DST: variants seen among roughly 807,000 people sequenced by gnomAD.
DST encodes the protein dystonin.
Under a neutral mutation model 875.2 loss-of-function variants are expected in DST, and 253 were observed. The ratio of observed to expected loss-of-function variants is 0.29; its 90% CI spans 0.26 to 0.32. The LOEUF (loss-of-function observed/expected upper bound fraction) is 0.32, where lower values mean the gene tolerates loss of function less well. Among genes scored for constraint, DST ranks in the 10% least tolerant of loss-of-function variants. The probability of loss-of-function intolerance (pLI) is 1.00; values close to 1 mark genes in which losing one functional copy is unlikely to be tolerated. For synonymous variants in DST, 3,124 were observed against 3,197.1 expected (o/e 0.98, Z 0.77); for missense variants, 8,287 against 9,111.6 (o/e 0.91, Z 3.68).
At chr6:56,520,380 T>C (rs2096673014) in intron 69 of DST, among the ~76,000 whole-genome samples, 1 of 152,154 alleles carries the variant, frequency 6.6e-6, no homozygotes, top group African/African-American at 2.4e-5. Flanking sequence ...AATAGCTTTG[T>C]GGTTGACAAA....
chr6:56,860,819 G>A (rs1770746655), intron 3 of DST, among the ~76,000 whole-genome samples: 1 of 152,134 alleles, frequency 6.6e-6, no homozygotes, highest in Non-Finnish European at 1.5e-5. Flanking sequence ...CAGCTCTCAG[G>A]ATACAAAGTC....
intron 3 of DST, among the ~76,000 whole-genome samples, chr6:56,866,540 C>T (rs577950740): frequency 6.6e-6 from 1 of 152,296 alleles, no homozygotes; most frequent in Non-Finnish European, 1.5e-5. Context: ...ACAAGGCCTC[C>T]TGATGTGCTG....
intron 58 of DST, among the ~76,000 whole-genome samples, 180 bp from the exon 59 acceptor site, chr6:56,557,698 T>G (rs989487438): frequency 6.6e-6 from 1 of 152,158 alleles, no homozygotes; most frequent in Non-Finnish European, 1.5e-5. Flanking sequence ...GATGGTTGTA[T>G]GTCAACTAAA....
At chr6:56,906,110 G>C (rs1311724982) in intron 2 of DST, among the ~76,000 whole-genome samples, 3 of 152,160 alleles carry the variant, frequency 2.0e-5, no homozygotes, top group African/African-American at 7.2e-5. Flanking sequence ...TGTGATTGTT[G>C]GATCATATGG....
chr6:56,547,298 G>A (rs1361890034), intron 61 of DST, among the ~76,000 whole-genome samples: 1 of 152,158 alleles, frequency 6.6e-6, no homozygotes, highest in African/African-American at 2.4e-5. Context: ...CTTCAGTAGG[G>A]CTTCTCTCTT....
chr6:56,821,916 C>T (rs1265118183), intron 4 of DST, among the ~76,000 whole-genome samples: 1 of 152,164 alleles, frequency 6.6e-6, no homozygotes, highest in Non-Finnish European at 1.5e-5. Context: ...CAGTCCAGAG[C>T]TTCCATCCAA....
intron 62 of DST, among the ~76,000 whole-genome samples, chr6:56,535,526 C>T (rs2096979105): frequency 6.6e-6 from 1 of 152,156 alleles, no homozygotes; most frequent in Non-Finnish European, 1.5e-5. Context: ...ATAGAGCACT[C>T]AATCTTGGAG....
intron 5 of DST, among the ~76,000 whole-genome samples, chr6:56,718,144 T>G (rs1437056883): frequency 6.6e-6 from 1 of 152,098 alleles, no homozygotes; most frequent in African/African-American, 2.4e-5. Context: ...CTTGGGAGGC[T>G]ATGGTGGAAG....
At position 56,607,338 on chromosome 6, in the gene DST, G is replaced by A; in HGVS notation, c.7290C>T (p.Asp2430=). 1 of 1,613,274 alleles carries A rather than the reference G, an allele frequency of 6.2e-7. No homozygotes were observed. Among genetic ancestry groups the A allele is most frequent in the Non-Finnish European group, 8.5e-7 (1 of 1,179,646 alleles). The change falls in exon 40 of 104, where the codon GAC becomes GAT. Residue 2430 remains aspartate, a synonymous_variant. Transcript: ENST00000680361. ...DNTNRDSPIF[D]YSPRLSALLS... ...ACAAGGCACTTAGCCTGGGGGAATA[G>A]TCAAAGATAGGTGAATCCCTGTTTG...
intron 7 of DST, 45 bp downstream of exon 7, chr6:56,703,603 G>A (rs1010578127): frequency 2.6e-5 from 20 of 776,778 alleles, no homozygotes; most frequent in African/African-American, 1.7e-4. Flanking sequence ...AGCGCTCACC[G>A]CATGGGAACG....
At chr6:56,536,506 C>G (rs1051694748) in intron 62 of DST, among the ~76,000 whole-genome samples, 1 of 152,096 alleles carries the variant, frequency 6.6e-6, no homozygotes, top group Non-Finnish European at 1.5e-5. Flanking sequence ...TGCATGTGCC[C>G]ATCATACCTG....
intron 10 of DST, among the ~76,000 whole-genome samples, chr6:56,670,314 G>T (rs1322040384): frequency 6.6e-6 from 1 of 151,846 alleles, no homozygotes; most frequent in African/African-American, 2.4e-5. Flanking sequence ...CCGCAGCCTT[G>T]GCCTCCGGAG....
At chr6:56,549,677 G>A (rs556959519) in intron 61 of DST, among the ~76,000 whole-genome samples, 1 of 152,148 alleles carries the variant, frequency 6.6e-6, no homozygotes, top group African/African-American at 2.4e-5. Flanking sequence ...TTCTAAGACT[G>A]TTTTACATGT....
chr6:56,504,163 GTAC>G, intron 77 of DST, 65 bp from the exon 78 acceptor site: 3 of 968,538 alleles, frequency 3.1e-6, no homozygotes, highest in Non-Finnish European at 3.1e-6. Context: ...AGTATTTCAA[GTAC>G]TACAGAAAAA....
At position 56,466,210 on chromosome 6, in the gene DST, A is replaced by G; in HGVS notation, c.22570-15T>C. 1 of 1,552,878 alleles carries G rather than the reference A, an allele frequency of 6.4e-7. No homozygotes were observed. The highest frequency in any genetic ancestry group is 1.2e-5 in the South Asian group (1 of 81,948). On this transcript the variant is annotated splice_polypyrimidine_tract_variant and intron_variant, in intron 98 of 103. Transcript: ENST00000680361. ...GAGTCTCCAAACTGTTCAGTGAAGAAAGAAAGAACCTCTAGTTGTCAATAA... is the reference window on the plus strand; with the variant it reads ...GAGTCTCCAAACTGTTCAGTGAAGAGAGAAAGAACCTCTAGTTGTCAATAA...
At chr6:56,615,898 T>A in intron 36 of DST, 1 of 1,614,200 alleles carries the variant, frequency 6.2e-7, no homozygotes, top group Non-Finnish European at 8.5e-7. Context: ...TCCCTGTGAT[T>A]ACTAATTCAC....
At chr6:56,480,129 T>C (rs962014347) in intron 90 of DST, among the ~76,000 whole-genome samples, 19 of 152,336 alleles carry the variant, frequency 1.2e-4, no homozygotes, top group African/African-American at 4.6e-4. Context: ...ACTGAATAAA[T>C]GCTTTTTAGA....
chr6:56,758,413 G>T (rs1187461740), intron 4 of DST, among the ~76,000 whole-genome samples: 1 of 150,032 alleles, frequency 6.7e-6, no homozygotes, highest in Non-Finnish European at 1.5e-5. Flanking sequence ...AAAGCAATGT[G>T]ACAAAAGGAA....
At chr6:56,822,146 G>A (rs1396262511) in intron 4 of DST, among the ~76,000 whole-genome samples, 1 of 152,168 alleles carries the variant, frequency 6.6e-6, no homozygotes, top group Non-Finnish European at 1.5e-5. Context: ...GCATGATACT[G>A]ACAGAGACGG....
Sources: allele counts gnomAD v4.1 joint callset (sites outside exome capture counted in the v4.1 genomes callset), GRCh38; gene constraint gnomAD v4.1.1; transcripts MANE v1.5; gene names NCBI Gene and HGNC (gene_info 2026-07-23, HGNC 2026-07-21).